Variants in CMIP observed in about 807,000 individuals in gnomAD.
CMIP encodes the protein C-Maf-inducing protein.
CMIP carries 13 observed loss-of-function variants against 97.3 expected under a neutral mutation model. The observed-to-expected ratio is 0.13, with a 90% CI of 0.09 to 0.21. The LOEUF is 0.21. Among genes scored for constraint, CMIP ranks in the 10% least tolerant of loss-of-function variants. The pLI is 1.00. For synonymous variants in CMIP, 538 were observed against 436.3 expected (o/e 1.23, Z -2.91); for missense variants, 847 against 1,024.9 (o/e 0.83, Z 2.37).
intron 1 of CMIP, among the ~76,000 whole-genome samples, chr16:81,595,734 T>A (rs1247794344): frequency 6.6e-6 from 1 of 152,226 alleles, no homozygotes; most frequent in African/African-American, 2.4e-5. Flanking sequence ...GTCTTTTTTT[T>A]ATCGCTGCAT....
intron 8 of CMIP, 46 bp downstream of exon 8, chr16:81,670,291 C>A: frequency 6.5e-7 from 1 of 1,549,994 alleles, no homozygotes; most frequent in Non-Finnish European, 8.8e-7. Flanking sequence ...GAGCCACTTT[C>A]CTCTCGGATC....
In CMIP at chr16:81,710,480, G is replaced by A. The variant is rs1016096784; in HGVS notation, c.*681G>A. 1.4e-5 allele frequency: 2 copies of A among 141,500 alleles called. No homozygotes were observed. The highest frequency in any genetic ancestry group is 5.4e-5 in the African/African-American group (2 of 37,326). The allele number at this position is 141,500 out of a possible 1,614,324, so 8.8% of individuals were successfully genotyped here. ...GTACTGTATAAACCAGTCAGCTGTC[G>A]GGTTAGTGGTAGTATTATTGTTATT... On this transcript the variant is annotated 3_prime_UTR_variant, in exon 21 of 21. Coordinates refer to ENST00000537098, the MANE Select transcript of CMIP (RefSeq NM_198390.3).
At chr16:81,575,724 T>C (rs1000858191) in intron 1 of CMIP, among the ~76,000 whole-genome samples, 4 of 152,122 alleles carry the variant, frequency 2.6e-5, no homozygotes, top group Middle Eastern at 3.4e-3. Flanking sequence ...GTTTGGGAGG[T>C]GTGTGCTGGG....
chr16:81,505,397 A>T lies in CMIP; in HGVS notation c.300+59856A>T, dbSNP rs535964184. Among the ~76,000 whole-genome samples the T allele has an allele frequency of 7.9e-5, 12 of 152,308 alleles. No individual in the cohort carries two copies. The East Asian group carries it at 2.3e-3, about 29-fold the overall frequency. On this transcript the variant is annotated intron_variant, in intron 1 of 20. Coordinates refer to ENST00000537098, the MANE Select transcript of CMIP (RefSeq NM_198390.3). ...ATGTGGGCCTGGTCCTCCAGACCCCACGCCTGGAGAGCTGCTGATCTTGTG... is the reference window on the plus strand; with the variant it reads ...ATGTGGGCCTGGTCCTCCAGACCCCTCGCCTGGAGAGCTGCTGATCTTGTG...
chr16:81,586,833 A>T (rs143115662), intron 1 of CMIP, among the ~76,000 whole-genome samples: 72 of 152,328 alleles, frequency 4.7e-4, no homozygotes, highest in Non-Finnish European at 9.1e-4. Context: ...ACTATGTCAC[A>T]CAGATGTTAG....
chr16:81,707,089 T>A lies in CMIP; in HGVS notation c.2268+5T>A, dbSNP rs1311601339. 1.6e-5 allele frequency: 25 copies of A among 1,612,248 alleles called. No homozygotes were observed. Among genetic ancestry groups the A allele is most frequent in the Non-Finnish European group, 2.1e-5 (25 of 1,178,542 alleles). On this transcript the variant is annotated splice_donor_5th_base_variant and intron_variant, in intron 20 of 20. Coordinates refer to ENST00000537098, the MANE Select transcript of CMIP (RefSeq NM_198390.3). ...GACACCTACGAAGATCTGAAGGTAA[T>A]TCCCTCCTTCCTCCCCACTCTCCTC...
intron 1 of CMIP, among the ~76,000 whole-genome samples, chr16:81,465,832 A>G (rs1214206559): frequency 6.6e-6 from 1 of 152,054 alleles, no homozygotes; most frequent in Non-Finnish European, 1.5e-5. Flanking sequence ...CTCGCTCCAG[A>G]CCTTCGCTCA....
Position 81,614,709 on chromosome 16 carries a change from G to A in CMIP, c.427-6167G>A, listed in dbSNP as rs1197267210. On this transcript the variant is annotated intron_variant, in intron 2 of 20. Coordinates refer to ENST00000537098, the MANE Select transcript of CMIP (RefSeq NM_198390.3). The surrounding 1 kb of genome is among the most constrained non-coding windows in gnomAD (Gnocchi z 5.3). Reference sequence around the variant, plus strand: ...GTGTGTGTGTGTGTATGGTATGTCTGCATGTGTGTGCGTACACATGTGTGT... The same window carrying A: ...GTGTGTGTGTGTGTATGGTATGTCTACATGTGTGTGCGTACACATGTGTGT... 1.3e-5 allele frequency among the ~76,000 whole-genome samples: 2 copies of A among 151,772 alleles called. No individual in the cohort carries two copies. The highest frequency in any genetic ancestry group is 1.9e-4 in the East Asian group (1 of 5,142).
At chr16:81,502,851 A>G (rs188946189) in intron 1 of CMIP, among the ~76,000 whole-genome samples, 2 of 152,320 alleles carry the variant, frequency 1.3e-5, no homozygotes, top group African/African-American at 4.8e-5. Context: ...CCATTCCTGA[A>G]CAGGCCTCAG....
intron 1 of CMIP, among the ~76,000 whole-genome samples, chr16:81,605,588 A>C (rs145560418): frequency 6.6e-6 from 1 of 152,108 alleles, no homozygotes; most frequent in African/African-American, 2.4e-5. Flanking sequence ...TCTCCAACGC[A>C]TCGCTTACCC....
At chr16:81,703,831 A>C in intron 17 of CMIP, 108 bp from the exon 18 acceptor site, 1 of 1,406,290 alleles carries the variant, frequency 7.1e-7, no homozygotes, top group Non-Finnish European at 9.4e-7. Context: ...CCCCCCAGGA[A>C]CAGCTCTCTG....
intron 6 of CMIP, among the ~76,000 whole-genome samples, chr16:81,663,446 G>A (rs1420907961): frequency 1.3e-5 from 2 of 152,174 alleles, no homozygotes; most frequent in Non-Finnish European, 2.9e-5. Context: ...TATGGAGAAA[G>A]TAAAATGATC....
At chr16:81,626,775 C>T (rs1442451672) in intron 3 of CMIP, among the ~76,000 whole-genome samples, 25 of 110,104 alleles carry the variant, frequency 2.3e-4, no homozygotes, top group Non-Finnish European at 3.5e-4. Context: ...TGTGGAGTGA[C>T]AGAGAGAGAG....
intron 1 of CMIP, among the ~76,000 whole-genome samples, chr16:81,587,027 G>C (rs2091393907): frequency 6.6e-6 from 1 of 152,256 alleles, no homozygotes; most frequent in South Asian, 2.1e-4. Flanking sequence ...TAAAGAACAG[G>C]CTACATGAGA....
At chr16:81,581,944 G>C (rs2091303074) in intron 1 of CMIP, among the ~76,000 whole-genome samples, 1 of 152,174 alleles carries the variant, frequency 6.6e-6, no homozygotes, top group South Asian at 2.1e-4. Flanking sequence ...ATGGGCTCAC[G>C]GTTCTGCAGG....
At chr16:81,513,383 T>G (rs2089850990) in intron 1 of CMIP, among the ~76,000 whole-genome samples, 1 of 152,194 alleles carries the variant, frequency 6.6e-6, no homozygotes, top group Non-Finnish European at 1.5e-5. Context: ...GCCCCACGCA[T>G]AGTAGGTGTT....
At chr16:81,505,723 G>T (rs1200066265) in intron 1 of CMIP, among the ~76,000 whole-genome samples, 1 of 152,232 alleles carries the variant, frequency 6.6e-6, no homozygotes, top group African/African-American at 2.4e-5. Context: ...GGGCACGGTG[G>T]CTCATGCCTG....
chr16:81,492,903 A>G (rs2089427692), intron 1 of CMIP, among the ~76,000 whole-genome samples: 1 of 152,028 alleles, frequency 6.6e-6, no homozygotes, highest in Non-Finnish European at 1.5e-5. Flanking sequence ...AGACCCAGAA[A>G]GACAGACACA....
intron 1 of CMIP, among the ~76,000 whole-genome samples, chr16:81,515,810 T>G (rs2089901823): frequency 6.6e-6 from 1 of 152,168 alleles, no homozygotes; most frequent in African/African-American, 2.4e-5. Context: ...CCCGTGTCAC[T>G]GGATTCAACC....
Sources: gnomAD v4.1 joint callset for allele counts (sites outside exome capture counted in the v4.1 genomes callset) on GRCh38, gnomAD v4.1.1 for gene constraint, Gnocchi (gnomAD v3.1) non-coding constraint, MANE v1.5 for transcripts, NCBI Gene and HGNC (gene_info 2026-07-23, HGNC 2026-07-21) for gene names.